TIMP2: variants seen among roughly 807,000 people sequenced by gnomAD.
TIMP2 encodes TIMP metallopeptidase inhibitor 2, also known as metalloproteinase inhibitor 2.
In TIMP2, 5 loss-of-function variants were observed where a neutral mutation model predicts 24.3. The ratio of observed to expected loss-of-function variants is 0.21; its 90% CI spans 0.11 to 0.43. The LOEUF (loss-of-function observed/expected upper bound fraction) is 0.43. TIMP2 is among the 20% of genes least tolerant of loss of function. The pLI is 1.00. For missense variants in TIMP2, 221 were observed against 297.5 expected, an observed-to-expected ratio of 0.74 and a Z score of 1.89; for synonymous variants, 130 against 123.2, an observed-to-expected ratio of 1.06 and a Z score of -0.37.
intron 2 of TIMP2, among the ~76,000 whole-genome samples, chr17:78,873,501 C>T (rs1031851661): frequency 2.0e-5 from 3 of 152,126 alleles, no homozygotes; most frequent in African/African-American, 7.2e-5. Context: ...CCATGTTGCC[C>T]AGACTGGTCT....
At chr17:78,870,012 G>T (rs2069661993) in intron 3 of TIMP2, among the ~76,000 whole-genome samples, 2 of 152,186 alleles carry the variant, frequency 1.3e-5, no homozygotes, top group Non-Finnish European at 2.9e-5. Context: ...AAGAGAGAAG[G>T]GGGAGTTAGT....
At chr17:78,888,733 G>A (rs2069849323) in intron 1 of TIMP2, among the ~76,000 whole-genome samples, 1 of 152,216 alleles carries the variant, frequency 6.6e-6, no homozygotes, top group African/African-American at 2.4e-5. Flanking sequence ...TTGTAGGTGT[G>A]AGCCATCAGC....
rs1439837111 is a variant in TIMP2 at position 78,897,944 on chromosome 17, G to GA, written c.131-24026dup. 2.6e-5 allele frequency: 4 copies of GA among 152,302 alleles called. No homozygotes were observed. In the South Asian group the frequency reaches 6.2e-4, roughly 24 times the overall value. The allele number at this position is 152,302 out of a possible 1,614,324, so 9.4% of individuals were successfully genotyped here. A position where few individuals can be genotyped will look rare whatever the true frequency, so the allele number is the denominator to read the frequency against. On this transcript the variant is annotated intron_variant, in intron 1 of 4. Transcript: ENST00000262768. ...GCAGAGGTCTTTGGGATAAAGTCCA[G>GA]AAAATCACAGCTGGCTCCATCATTC...
At chr17:78,858,301 G>T (rs1257953213) in intron 3 of TIMP2, among the ~76,000 whole-genome samples, 1 of 151,902 alleles carries the variant, frequency 6.6e-6, no homozygotes, top group East Asian at 1.9e-4. Context: ...AAATTAGCCA[G>T]GCGTGCTGGC....
In TIMP2 at chr17:78,853,273, T is replaced by C. The variant is rs2069498461; in HGVS notation, c.*2394A>G. The stretch of plus-strand genomic sequence containing the variant: ...CAATGTAAACTTTATTTTAAATATT[T>C]TGAGTTGCTTGCAGGATGAAAATAG... On this transcript the variant is annotated 3_prime_UTR_variant, in exon 5 of 5. Transcript: ENST00000262768. 6.6e-6 allele frequency: 1 copy of C among 152,626 alleles called. No homozygotes were observed. The highest frequency in any genetic ancestry group is 1.5e-5 in the Non-Finnish European group (1 of 68,052). 9.5% of individuals were successfully genotyped at this position (152,626 alleles called of 1,614,324 possible).
chr17:78,870,246 T>C (rs1310033192), intron 3 of TIMP2, among the ~76,000 whole-genome samples: 2 of 151,922 alleles, frequency 1.3e-5, no homozygotes, highest in Non-Finnish European at 2.9e-5. Flanking sequence ...TAGAACCCCA[T>C]CTCTACTAAA....
At chr17:78,870,358 G>A (rs958200508) in intron 3 of TIMP2, among the ~76,000 whole-genome samples, 1 of 150,602 alleles carries the variant, frequency 6.6e-6, no homozygotes, top group African/African-American at 2.4e-5. Flanking sequence ...GGAGGTTGCA[G>A]TAAGCCAAGA....
chr17:78,875,302 G>A (rs938663762), intron 1 of TIMP2, among the ~76,000 whole-genome samples: 13 of 152,154 alleles, frequency 8.5e-5, no homozygotes, highest in Non-Finnish European at 1.8e-4. Flanking sequence ...TGCTGAGGAA[G>A]GACAAACAGA....
At chr17:78,858,435 C>T (rs1392421171) in intron 3 of TIMP2, among the ~76,000 whole-genome samples, 2 of 151,172 alleles carry the variant, frequency 1.3e-5, no homozygotes, top group African/African-American at 4.9e-5. Context: ...GGCGACAGAG[C>T]GAGACTCAGT....
intron 1 of TIMP2, chr17:78,922,246 A>G (rs1259014446): frequency 6.6e-6 from 1 of 152,216 alleles, no homozygotes; most frequent in African/African-American, 2.4e-5. Flanking sequence ...ACTGGAGAAT[A>G]GACAGGCCGC....
At chr17:78,908,679 C>T (rs1047612315) in intron 1 of TIMP2, among the ~76,000 whole-genome samples, 4 of 152,190 alleles carry the variant, frequency 2.6e-5, no homozygotes, top group Non-Finnish European at 5.9e-5. Context: ...GATGTGAAGT[C>T]CTTTGTGCTG....
chr17:78,892,241 T>C, intron 1 of TIMP2: 1 of 1,550,996 alleles, frequency 6.4e-7, no homozygotes, highest in Non-Finnish European at 8.7e-7. Context: ...GAGATCGCCT[T>C]TGCCCCGGGC....
At chr17:78,859,550 C>T (rs542958028) in intron 3 of TIMP2, among the ~76,000 whole-genome samples, 12 of 152,194 alleles carry the variant, frequency 7.9e-5, no homozygotes, top group African/African-American at 2.9e-4. Context: ...GTAATCCCAG[C>T]TACTCAGGAG....
chr17:78,893,384 CAG>C (rs1568001188), intron 1 of TIMP2, among the ~76,000 whole-genome samples: 1 of 69,540 alleles, frequency 1.4e-5, no homozygotes, highest in African/African-American at 8.4e-5. Context: ...AGTGTGTGTG[CAG>C]GGGTGTGTAT....
chr17:78,854,375 T>C lies in TIMP2; in HGVS notation c.*1292A>G, dbSNP rs2069507626. The C allele has an allele frequency of 6.6e-6, 1 of 151,772 alleles. No individual in the cohort carries two copies. The highest frequency in any genetic ancestry group is 2.4e-5 in the African/African-American group (1 of 41,306). The allele number at this position is 151,772 out of a possible 1,614,324, so 9.4% of individuals were successfully genotyped here. On this transcript the variant is annotated 3_prime_UTR_variant, in exon 5 of 5. Transcript: ENST00000262768. ...ATAGGTTCCCTAGTTCCCTAGGAAG[T>C]TTCTTAGCTAGGTAATCTTTGTCAT...
chr17:78,868,490 A>G (rs1275632934), intron 3 of TIMP2, among the ~76,000 whole-genome samples: 2 of 152,116 alleles, frequency 1.3e-5, no homozygotes, highest in Non-Finnish European at 2.9e-5. Flanking sequence ...ACCTCAAGCA[A>G]TCCGCCCGCC....
intron 3 of TIMP2, among the ~76,000 whole-genome samples, chr17:78,869,621 G>T (rs190346101): frequency 1.5e-4 from 23 of 151,906 alleles, no homozygotes; most frequent in Admixed American, 5.2e-4. Flanking sequence ...GACCAGCCTG[G>T]TCAACGTGGT....
At chr17:78,882,238 C>T (rs1455273577) in intron 1 of TIMP2, among the ~76,000 whole-genome samples, 1 of 152,218 alleles carries the variant, frequency 6.6e-6, no homozygotes, top group Admixed American at 6.5e-5. Context: ...TCCCAGAGTG[C>T]TGGGATTACA....
intron 2 of TIMP2, among the ~76,000 whole-genome samples, chr17:78,872,851 T>C (rs933023089): frequency 2.0e-5 from 3 of 151,960 alleles, no homozygotes; most frequent in Non-Finnish European, 4.4e-5. Flanking sequence ...TTTTTTGAGA[T>C]GGAGTTTCGC....
Sources: gnomAD v4.1 joint callset for allele counts (sites outside exome capture counted in the v4.1 genomes callset) on GRCh38, gnomAD v4.1.1 for gene constraint, MANE v1.5 for transcripts, NCBI Gene and HGNC (gene_info 2026-07-23, HGNC 2026-07-21) for gene names.